The following CSMD1 variants were observed in gnomAD, a reference collection of about 807,000 sequenced individuals.
The protein encoded by CSMD1 is CUB and sushi domain-containing protein 1.
Under a neutral mutation model 417.5 loss-of-function variants are expected in CSMD1, and 213 were observed. The observed-to-expected ratio is 0.51, with a 90% CI of 0.46 to 0.57. The LOEUF (loss-of-function observed/expected upper bound fraction) is 0.57, where lower values mean the gene tolerates loss of function less well. Among genes scored for constraint, CSMD1 ranks in the 20% least tolerant of loss-of-function variants. CSMD1 has a pLI of 0.00. For missense variants in CSMD1, 6,923 were observed against 4,529.7 expected, an observed-to-expected ratio of 1.53 and a Z score of -15.17; for synonymous variants, 2,862 against 1,736.8, an observed-to-expected ratio of 1.65 and a Z score of -16.11.
intron 3 of CSMD1, among the ~76,000 whole-genome samples, chr8:4,226,953 G>A (rs1178042525): frequency 1.3e-5 from 2 of 151,414 alleles, no homozygotes; most frequent in African/African-American, 4.8e-5. Flanking sequence ...CTGCTTAACA[G>A]TTTTACTTTA....
intron 5 of CSMD1, among the ~76,000 whole-genome samples, chr8:3,800,240 C>T (rs1435300301): frequency 6.6e-6 from 1 of 151,968 alleles, no homozygotes; most frequent in Non-Finnish European, 1.5e-5. Flanking sequence ...TACAGTCATC[C>T]TTTATTGGAA....
intron 40 of CSMD1, among the ~76,000 whole-genome samples, chr8:3,148,980 T>C (rs1047969657): frequency 6.6e-5 from 10 of 152,244 alleles, no homozygotes; most frequent in Non-Finnish European, 1.5e-4. Context: ...GAGATAAAGT[T>C]TCTTTTCTCC....
chr8:4,156,927 G>C (rs13261295), intron 3 of CSMD1, among the ~76,000 whole-genome samples: 48,044 of 151,978 alleles, frequency 0.32, 9,281 homozygotes, highest in Non-Finnish European at 0.42. Context: ...ATTTGTGAGG[G>C]TTACGAAACT....
At chr8:3,459,944 A>C (rs1816394973) in intron 12 of CSMD1, among the ~76,000 whole-genome samples, 1 of 152,212 alleles carries the variant, frequency 6.6e-6, no homozygotes, top group Non-Finnish European at 1.5e-5. Flanking sequence ...ACAAAAATCT[A>C]AACAGTCCAG....
At chr8:4,603,407 A>T (rs894074043) in intron 2 of CSMD1, among the ~76,000 whole-genome samples, 2 of 152,112 alleles carry the variant, frequency 1.3e-5, no homozygotes, top group African/African-American at 4.8e-5. Flanking sequence ...GTGAACCTCC[A>T]TTATTTGGAA....
intron 2 of CSMD1, among the ~76,000 whole-genome samples, chr8:4,541,340 C>G (rs1019884297): frequency 2.0e-5 from 3 of 152,210 alleles, no homozygotes; most frequent in Non-Finnish European, 4.4e-5. Flanking sequence ...ACAGTGGGTA[C>G]TGCCTTTGAA....
intron 3 of CSMD1, among the ~76,000 whole-genome samples, chr8:4,040,078 T>G (rs1228254582): frequency 6.6e-6 from 1 of 152,166 alleles, no homozygotes; most frequent in African/African-American, 2.4e-5. Flanking sequence ...TAATACAATT[T>G]TCAAAGTATA....
At chr8:3,507,719 T>A (rs1796888666) in intron 10 of CSMD1, among the ~76,000 whole-genome samples, 1 of 152,238 alleles carries the variant, frequency 6.6e-6, no homozygotes, top group African/African-American at 2.4e-5. Context: ...AGATGGTATC[T>A]CACTGGGGTT....
At chr8:4,918,376 T>A (rs1325334631) in intron 1 of CSMD1, among the ~76,000 whole-genome samples, 1 of 152,198 alleles carries the variant, frequency 6.6e-6, no homozygotes, top group Non-Finnish European at 1.5e-5. Context: ...AGGTGGGTGT[T>A]CCTCCCAGAT....
chr8:3,213,227 G>A lies in CSMD1; in HGVS notation c.4867+1270C>T, dbSNP rs1019425763. 4.6e-5 allele frequency among the ~76,000 whole-genome samples: 7 copies of A among 152,312 alleles called. No individual in the cohort carries two copies. The South Asian group carries it at 8.3e-4, about 18-fold the overall frequency. On this transcript the variant is annotated intron_variant, in intron 30 of 69. Transcript: ENST00000635120. ...ACATTTGTTTCATAATTTATCAAAC[G>A]AAACTGGTCTTTGAGCTCATCTTAA...
rs1423059553 is a variant in CSMD1 at position 3,307,710 on chromosome 8, G to C, written c.3935C>G (p.Pro1312Arg). Reference sequence around the variant, plus strand: ...AAACAAGTACCTAATGGTCTTTCCTGGGTCTGCCTCTATAATCCAGGTGCA... The same window carrying C: ...AAACAAGTACCTAATGGTCTTTCCTCGGTCTGCCTCTATAATCCAGGTGCA... Reference protein sequence around the residue: ...LHCTWIIEADPGKTISLHFIV... With the variant: ...LHCTWIIEADRGKTISLHFIV... Residue 1312 changes from proline (P) to arginine (R), a missense_variant, in exon 25 of 70, where the codon CCA (proline) becomes CGA (arginine). Pro to Arg is a moderately radical substitution (Grantham distance 103). Transcript: ENST00000635120. 1 of 1,613,300 alleles carries C rather than the reference G, an allele frequency of 6.2e-7. No individual in the cohort carries two copies. The highest frequency in any genetic ancestry group is 8.5e-7 in the Non-Finnish European group (1 of 1,179,594).
chr8:3,528,885 T>C (rs190296466), intron 10 of CSMD1, among the ~76,000 whole-genome samples: 73 of 152,352 alleles, frequency 4.8e-4, no homozygotes, highest in African/African-American at 1.6e-3. Flanking sequence ...GTATTATAAC[T>C]GTGCATTTCA....
chr8:3,299,451 T>C, intron 25 of CSMD1, among the ~76,000 whole-genome samples: 1 of 151,490 alleles, frequency 6.6e-6, no homozygotes, highest in South Asian at 2.1e-4. Context: ...ACACTTTGTC[T>C]CAAAAAAAAA....
chr8:3,723,332 T>C (rs1264608005), intron 6 of CSMD1, among the ~76,000 whole-genome samples: 2 of 152,096 alleles, frequency 1.3e-5, no homozygotes, highest in Non-Finnish European at 2.9e-5. Context: ...CTCATTTGAT[T>C]AGGTCAGGGC....
chr8:3,525,759 G>A (rs1797728212), intron 10 of CSMD1, among the ~76,000 whole-genome samples: 1 of 152,090 alleles, frequency 6.6e-6, no homozygotes, highest in Admixed American at 6.5e-5. Flanking sequence ...GAAATGAATG[G>A]GAACATCACG....
chr8:3,629,499 C>T (rs1343368351), intron 7 of CSMD1, among the ~76,000 whole-genome samples: 1 of 152,122 alleles, frequency 6.6e-6, no homozygotes, highest in Non-Finnish European at 1.5e-5. Flanking sequence ...CCTAGCATTG[C>T]TCAATAAAGA....
chr8:4,403,152 G>C (rs1326096125), intron 3 of CSMD1, among the ~76,000 whole-genome samples: 1 of 152,026 alleles, frequency 6.6e-6, no homozygotes, highest in South Asian at 2.1e-4. Context: ...ACTTTTTAAA[G>C]CTTCCACTTT....
chr8:3,716,816 G>T (rs1481321865), intron 6 of CSMD1, among the ~76,000 whole-genome samples: 1 of 152,096 alleles, frequency 6.6e-6, no homozygotes, highest in East Asian at 1.9e-4. Flanking sequence ...TTATCCGATG[G>T]AAGTATGGTA....
intron 3 of CSMD1, among the ~76,000 whole-genome samples, chr8:4,076,469 G>A (rs1249028936): frequency 6.6e-6 from 1 of 152,172 alleles, no homozygotes; most frequent in African/African-American, 2.4e-5. Flanking sequence ...AATAGTGACA[G>A]CAGGTGATGT....
Sources: gnomAD v4.1 joint callset for allele counts (sites outside exome capture counted in the v4.1 genomes callset) on GRCh38, gnomAD v4.1.1 for gene constraint, MANE v1.5 for transcripts, NCBI Gene and HGNC (gene_info 2026-07-23, HGNC 2026-07-21) for gene names.